TAFA1: variants seen among roughly 807,000 people sequenced by gnomAD.
The protein encoded by TAFA1 is TAFA chemokine like family member 1.
In TAFA1, 4 loss-of-function variants were observed where a neutral mutation model predicts 18.5. The observed-to-expected ratio is 0.22, with a 90% CI of 0.11 to 0.49. The LOEUF is 0.49. TAFA1 is among the 20% of genes least tolerant of loss of function. The probability of loss-of-function intolerance (pLI) is 0.98; values close to 1 mark genes in which losing one functional copy is unlikely to be tolerated. For synonymous variants in TAFA1, 56 were observed against 55.2 expected, an observed-to-expected ratio of 1.01 and a Z score of -0.06; for missense variants, 147 against 169.0, an observed-to-expected ratio of 0.87 and a Z score of 0.72.
chr3:68,346,815 T>G (rs75064614), intron 2 of TAFA1, among the ~76,000 whole-genome samples: 2,309 of 152,294 alleles, frequency 0.015, 61 homozygotes, highest in African/African-American at 0.053. Flanking sequence ...CCCAACTTCT[T>G]TTTCTGAAAC....
intron 3 of TAFA1, among the ~76,000 whole-genome samples, chr3:68,516,783 C>CT (rs948746903): frequency 1.4e-4 from 21 of 151,136 alleles, no homozygotes; most frequent in African/African-American, 4.1e-4. Context: ...ATTGTTCCTT[C>CT]TTTTTTTTTG....
chr3:68,330,086 G>T (rs9819983), intron 2 of TAFA1, among the ~76,000 whole-genome samples: 7,656 of 152,216 alleles, frequency 0.05, 238 homozygotes, highest in African/African-American at 0.086. Context: ...CTGTGTATCA[G>T]TACCACTTAT....
intron 2 of TAFA1, among the ~76,000 whole-genome samples, chr3:68,351,188 G>A (rs1488999133): frequency 1.3e-5 from 2 of 152,090 alleles, no homozygotes; most frequent in Non-Finnish European, 2.9e-5. Flanking sequence ...TGCCACCCAG[G>A]TAAGAACAGC....
At chr3:68,265,803 G>T (rs764596896) in intron 2 of TAFA1, among the ~76,000 whole-genome samples, 3 of 152,156 alleles carry the variant, frequency 2.0e-5, no homozygotes, top group African/African-American at 4.8e-5. Context: ...TGGGCTGCAG[G>T]TGTAGCCCAG....
chr3:68,521,874 T>TTTTTTTC, intron 3 of TAFA1, among the ~76,000 whole-genome samples: 1 of 143,046 alleles, frequency 7.0e-6, no homozygotes, highest in Non-Finnish European at 1.5e-5. Context: ...TTTTTTTTTT[T>TTTTTTTC]TTGGAGATAG....
chr3:68,416,278 T>C (rs2070836265), intron 2 of TAFA1, among the ~76,000 whole-genome samples: 1 of 152,226 alleles, frequency 6.6e-6, no homozygotes, highest in Non-Finnish European at 1.5e-5. Flanking sequence ...GTTTTCTAAG[T>C]GTCCATATGT....
chr3:68,151,409 T>C (rs1345555679), intron 2 of TAFA1, among the ~76,000 whole-genome samples: 1 of 152,198 alleles, frequency 6.6e-6, no homozygotes, highest in Admixed American at 6.5e-5. Context: ...TTTATTAGGC[T>C]AAATATCTTA....
At chr3:68,366,755 T>C (rs1468573212) in intron 2 of TAFA1, among the ~76,000 whole-genome samples, 1 of 152,206 alleles carries the variant, frequency 6.6e-6, no homozygotes, top group Non-Finnish European at 1.5e-5. Flanking sequence ...CATCTAGGTT[T>C]TGTGGGTTTT....
intron 2 of TAFA1, among the ~76,000 whole-genome samples, chr3:68,201,554 A>G (rs2066469935): frequency 1.3e-5 from 2 of 151,662 alleles, no homozygotes; most frequent in Admixed American, 1.3e-4. Context: ...ATGTATTTTG[A>G]TGCTCTGTTA....
intron 2 of TAFA1, chr3:68,246,978 T>G (rs2067093224): frequency 6.6e-6 from 1 of 152,204 alleles, no homozygotes; most frequent in African/African-American, 2.4e-5. Flanking sequence ...AAATGCCGTA[T>G]GATCAAATGA....
intron 3 of TAFA1, among the ~76,000 whole-genome samples, chr3:68,445,270 G>A (rs1400000723): frequency 6.6e-6 from 1 of 151,872 alleles, no homozygotes; most frequent in South Asian, 2.1e-4. Context: ...TTGCATTTTG[G>A]GAAAGTGATA....
intron 3 of TAFA1, among the ~76,000 whole-genome samples, chr3:68,434,250 G>A (rs1003042839): frequency 6.6e-6 from 1 of 152,034 alleles, no homozygotes; most frequent in African/African-American, 2.4e-5. Flanking sequence ...CTTGAGATTG[G>A]TGTGGACTAA....
intron 3 of TAFA1, among the ~76,000 whole-genome samples, chr3:68,420,504 G>A (rs2070933932): frequency 1.3e-5 from 2 of 152,144 alleles, no homozygotes; most frequent in Admixed American, 6.5e-5. Flanking sequence ...ACAGGCATGA[G>A]CCACCACACC....
rs372929276 is a variant in TAFA1, at chr3:68,321,620, G to A, written c.119-95660G>A. ...CAGGAAGCTGCATGCTGTGTGCTGC[G>A]TGCTTGCTAAGTATTTGGCTAACAG... On this transcript the variant is annotated intron_variant, in intron 2 of 4. Transcript: ENST00000478136. Among the ~76,000 whole-genome samples the A allele has an allele frequency of 1.4e-4, 22 of 152,192 alleles. No individual in the cohort carries two copies. The East Asian group carries it at 1.5e-3, about 11-fold the overall frequency.
intron 2 of TAFA1, among the ~76,000 whole-genome samples, chr3:68,160,277 T>C (rs2065910008): frequency 1.3e-5 from 2 of 152,224 alleles, no homozygotes; most frequent in Admixed American, 1.3e-4. Context: ...GTTGGCCATA[T>C]ATTCTTTGTT....
chr3:68,449,294 C>T (rs2071528864), intron 3 of TAFA1, among the ~76,000 whole-genome samples: 1 of 152,090 alleles, frequency 6.6e-6, no homozygotes, highest in South Asian at 2.1e-4. Context: ...AAGATATGGG[C>T]TTTGTATGCA....
chr3:68,359,261 T>C (rs559056497), intron 2 of TAFA1, among the ~76,000 whole-genome samples: 3 of 152,158 alleles, frequency 2.0e-5, no homozygotes, highest in South Asian at 4.1e-4. Context: ...ACTTCAGTAA[T>C]GCTTGGGTTG....
intron 2 of TAFA1, among the ~76,000 whole-genome samples, chr3:68,341,478 C>T (rs1209278554): frequency 1.3e-5 from 2 of 152,158 alleles, no homozygotes; most frequent in Non-Finnish European, 2.9e-5. Flanking sequence ...GAGGTTCAAA[C>T]TCTTGCAGCT....
At chr3:68,040,355 A>T (rs1705137939) in intron 2 of TAFA1, among the ~76,000 whole-genome samples, 1 of 152,116 alleles carries the variant, frequency 6.6e-6, no homozygotes, top group Non-Finnish European at 1.5e-5. Flanking sequence ...TGTCCCATAA[A>T]CAAATGAAGT....
Sources: gnomAD v4.1 joint callset for allele counts (sites outside exome capture counted in the v4.1 genomes callset) on GRCh38, gnomAD v4.1.1 for gene constraint, MANE v1.5 for transcripts, NCBI Gene and HGNC (gene_info 2026-07-23, HGNC 2026-07-21) for gene names.